CYYR1: variants seen among roughly 807,000 people sequenced by gnomAD.
CYYR1 encodes cysteine and tyrosine-rich protein 1.
Under a neutral mutation model 15.2 loss-of-function variants are expected in CYYR1, and 14 were observed. The observed-to-expected ratio is 0.92, with a 90% CI of 0.61 to 1.44. The LOEUF is 1.44. CYYR1 is among the 40% of genes most tolerant of loss of function. CYYR1 has a pLI of 0.00. For missense variants in CYYR1, 228 were observed against 209.5 expected, an observed-to-expected ratio of 1.09 and a Z score of -0.54; for synonymous variants, 80 against 77.4, an observed-to-expected ratio of 1.03 and a Z score of -0.18.
chr21:26,482,493 G>C, intron 2 of CYYR1: 1 of 985,208 alleles, frequency 1.0e-6, no homozygotes, highest in East Asian at 1.1e-4. Context: ...CTTGAGCCCT[G>C]TTTGCTGGTC....
At chr21:26,470,321 G>A (rs73365109) in intron 3 of CYYR1, among the ~76,000 whole-genome samples, 1,744 of 152,166 alleles carry the variant, frequency 0.011, 15 homozygotes, top group Middle Eastern at 0.068. Context: ...GACATACATA[G>A]GGCTTCCACT....
chr21:26,488,685 T>C (rs1195564816), intron 2 of CYYR1, among the ~76,000 whole-genome samples: 2 of 152,172 alleles, frequency 1.3e-5, no homozygotes, highest in African/African-American at 4.8e-5. Context: ...AAAAGATGGC[T>C]GGAATGGGAT....
chr21:26,487,499 C>A lies in CYYR1; in HGVS notation c.177-7070G>T, dbSNP rs1267152588. Among the ~76,000 whole-genome samples the A allele has an allele frequency of 2.0e-5, 3 of 152,034 alleles. No individual in the cohort carries two copies. In the East Asian group the frequency reaches 5.8e-4, roughly 29 times the overall value. On this transcript the variant is annotated intron_variant, in intron 2 of 3. Coordinates refer to ENST00000652641, the MANE Select transcript of CYYR1 (RefSeq NM_001320768.2). Reference sequence around the variant, plus strand: ...AGATCATCCTACTTCCTCAATAATTCATTCTTTTGGCCAATTCATTAAAAT... The same window carrying A: ...AGATCATCCTACTTCCTCAATAATTAATTCTTTTGGCCAATTCATTAAAAT...
chr21:26,565,280 C>T (rs1473206339), intron 2 of CYYR1, among the ~76,000 whole-genome samples: 2 of 152,126 alleles, frequency 1.3e-5, no homozygotes, highest in Admixed American at 1.3e-4. Context: ...TGTAACAAGC[C>T]GTCTCAACGG....
At chr21:26,482,470 T>G in intron 2 of CYYR1, 1 of 985,340 alleles carries the variant, frequency 1.0e-6, no homozygotes, top group Non-Finnish European at 1.2e-6. Flanking sequence ...GTTCCGAACC[T>G]GGAACTGTTC....
rs1981099860 is a variant in CYYR1, at chr21:26,572,919, C to A, written c.22G>T (p.Val8Leu). The A allele has an allele frequency of 1.9e-6, 3 of 1,613,862 alleles. No homozygotes were observed. The highest frequency in any genetic ancestry group is 1.3e-5 in the African/African-American group (1 of 74,902). The stretch of plus-strand genomic sequence containing the variant: ...TTCGGAAGCAAGACCCCTGGACGCA[C>A]GGGTAGCCTCGGAGCGTCCATCCAA... MDAPRLP[V>L]RPGVLLPKLV... is the part of the protein sequence containing the mutation. Residue 8 changes from valine to leucine, a missense_variant, in exon 1 of 4, where the codon GTG (valine) becomes TTG (leucine). Physicochemically the swap from Val to Leu is conservative, Grantham distance 32 (BLOSUM62 1). Coordinates refer to ENST00000652641, the MANE Select transcript of CYYR1 (RefSeq NM_001320768.2).
intron 2 of CYYR1, 69 bp from the exon 3 acceptor site, chr21:26,480,498 C>G: frequency 6.9e-7 from 1 of 1,446,294 alleles, no homozygotes; most frequent in Middle Eastern, 1.8e-4. Flanking sequence ...TAGTAGAGCT[C>G]CATGATTATA....
At chr21:26,493,914 T>A (rs766954364) in intron 2 of CYYR1, among the ~76,000 whole-genome samples, 4 of 152,240 alleles carry the variant, frequency 2.6e-5, no homozygotes, top group Non-Finnish European at 5.9e-5. Context: ...CATGCATAGA[T>A]AGGAAGTTTG....
intron 2 of CYYR1, among the ~76,000 whole-genome samples, chr21:26,486,567 G>C (rs1293596824): frequency 6.6e-6 from 1 of 151,888 alleles, no homozygotes; most frequent in East Asian, 1.9e-4. Context: ...TTGCACCTTT[G>C]TCAAAAATCA....
intron 2 of CYYR1, chr21:26,503,466 A>C (rs2065509964): frequency 6.6e-6 from 1 of 152,226 alleles, no homozygotes; most frequent in African/African-American, 2.4e-5. Flanking sequence ...TTAATTATAG[A>C]GCGAAAATTT....
intron 2 of CYYR1, among the ~76,000 whole-genome samples, chr21:26,508,947 A>G (rs2065607364): frequency 6.6e-6 from 1 of 152,216 alleles, no homozygotes; most frequent in African/African-American, 2.4e-5. Context: ...AAAATAACAC[A>G]TGATCGAATA....
chr21:26,505,376 C>T lies in CYYR1; in HGVS notation c.177-24947G>A, dbSNP rs140085555. 8.0e-3 allele frequency among the ~76,000 whole-genome samples: 1,218 copies of T among 152,252 alleles called. 9 individuals carry two copies. Among genetic ancestry groups the T allele is most frequent in the Non-Finnish European group, 0.012 (839 of 68,024 alleles). On this transcript the variant is annotated intron_variant, in intron 2 of 3. Transcript: ENST00000652641. ...TTCTATAAGAGCATTTGGAGGCTGCCGGAAGATGGTGCATTCCAGAGAGCT... is the reference window on the plus strand; with the variant it reads ...TTCTATAAGAGCATTTGGAGGCTGCTGGAAGATGGTGCATTCCAGAGAGCT...
rs60056738 is a variant in CYYR1 at position 26,495,273 on chromosome 21, T to A, written c.177-14844A>T. ...CTAACAGCAACAGGAATTAAAGGGG[T>A]AGTAATCTTTGGGTCCACAGATCCA... is the stretch of plus-strand genomic sequence containing the variant. On this transcript the variant is annotated intron_variant, in intron 2 of 3. Coordinates refer to ENST00000652641, the MANE Select transcript of CYYR1 (RefSeq NM_001320768.2). 0.011 allele frequency among the ~76,000 whole-genome samples: 1,719 copies of A among 151,996 alleles called. 97 individuals carry two copies. The East Asian group carries it at 0.17, about 15-fold the overall frequency.
intron 2 of CYYR1, among the ~76,000 whole-genome samples, chr21:26,500,910 A>G (rs1050925905): frequency 6.6e-6 from 1 of 152,230 alleles, no homozygotes; most frequent in Non-Finnish European, 1.5e-5. Flanking sequence ...AGTTTCCTAT[A>G]AAACAGTAGT....
At chr21:26,525,018 C>T (rs901549417) in intron 2 of CYYR1, among the ~76,000 whole-genome samples, 1 of 152,120 alleles carries the variant, frequency 6.6e-6, no homozygotes, top group African/African-American at 2.4e-5. Context: ...TAGAACATTC[C>T]CTCCGTCATC....
intron 2 of CYYR1, among the ~76,000 whole-genome samples, chr21:26,528,160 G>A (rs2065888853): frequency 6.6e-6 from 1 of 152,088 alleles, no homozygotes; most frequent in South Asian, 2.1e-4. Context: ...TTTGTTAATA[G>A]CTAAATATCT....
intron 2 of CYYR1, among the ~76,000 whole-genome samples, chr21:26,548,870 T>G (rs8127943): frequency 0.18 from 27,865 of 152,174 alleles, 2,735 homozygotes; most frequent in African/African-American, 0.25. Flanking sequence ...AAATTTAAAT[T>G]CTGTGAAATC....
chr21:26,566,535 T>C (rs1980634065), intron 1 of CYYR1, among the ~76,000 whole-genome samples, 167 bp from the exon 2 acceptor site: 1 of 152,170 alleles, frequency 6.6e-6, no homozygotes. Context: ...TAAATTAGCC[T>C]CTCTTCCCCA....
chr21:26,501,818 A>T lies in CYYR1; in HGVS notation c.177-21389T>A, dbSNP rs545207013. The stretch of plus-strand genomic sequence containing the variant: ...GCTGTAAGAATTAATGACAGCCTGC[A>T]AAGTGCACTGACGATGAAGAACACG... On this transcript the variant is annotated intron_variant, in intron 2 of 3. Transcript: ENST00000652641. Among the ~76,000 whole-genome samples, 21 of 152,290 alleles carry T rather than the reference A, an allele frequency of 1.4e-4. No individual in the cohort carries two copies. The East Asian group carries it at 2.5e-3, about 18-fold the overall frequency.
Sources: allele counts gnomAD v4.1 joint callset (sites outside exome capture counted in the v4.1 genomes callset), GRCh38; gene constraint gnomAD v4.1.1; transcripts MANE v1.5; gene names NCBI Gene and HGNC (gene_info 2026-07-23, HGNC 2026-07-21).